The following ATP5F1D variants were observed in gnomAD, a reference collection of about 807,000 sequenced individuals.
The protein encoded by ATP5F1D is ATP synthase F(1) complex subunit delta, mitochondrial.
Under a neutral mutation model 13.0 loss-of-function variants are expected in ATP5F1D, and 16 were observed. That is an observed-to-expected ratio of 1.23 (90% CI 0.83 to 1.87). The LOEUF (loss-of-function observed/expected upper bound fraction) is 1.87, where lower values mean the gene tolerates loss of function less well. ATP5F1D is among the 40% of genes most tolerant of loss of function. The pLI, the probability that ATP5F1D is intolerant of heterozygous loss-of-function variation, is 0.00. For missense variants in ATP5F1D, 294 were observed against 246.2 expected, an observed-to-expected ratio of 1.19 and a Z score of -1.30; for synonymous variants, 129 against 116.2, an observed-to-expected ratio of 1.11 and a Z score of -0.71.
At chr19:1,243,733 G>C in intron 2 of ATP5F1D, among the ~76,000 whole-genome samples, 1 of 152,294 alleles carries the variant, frequency 6.6e-6, no homozygotes, top group South Asian at 2.1e-4. Context: ...AGGAAAAAAA[G>C]CAGTTCTAAG....
chr19:1,243,222 A>G (rs1183668178), intron 2 of ATP5F1D: 1 of 152,328 alleles, frequency 6.6e-6, no homozygotes, highest in Non-Finnish European at 1.5e-5. Context: ...GGTCGAAGCA[A>G]GAGATGTAAA....
chr19:1,244,122 C>T lies in ATP5F1D; in HGVS notation c.321C>T (p.Asn107=), dbSNP rs745845131. The change falls in exon 3 of 4, where the codon AAC becomes AAT. Residue 107 remains asparagine, a synonymous_variant. Coordinates refer to ENST00000215375, the MANE Select transcript of ATP5F1D (RefSeq NM_001687.5). ...YFVSSGSIAV[N]ADSSVQLLAE... Reference sequence around the variant, plus strand: ...TGAGCAGCGGTTCCATCGCAGTGAACGCCGACTCTTCGGTGCAGTTGTTGG... The same window carrying T: ...TGAGCAGCGGTTCCATCGCAGTGAATGCCGACTCTTCGGTGCAGTTGTTGG... 6.2e-6 allele frequency: 10 copies of T among 1,611,682 alleles called. No homozygotes were observed. Among genetic ancestry groups the T allele is most frequent in the African/African-American group, 1.3e-5 (1 of 74,888 alleles).
At chr19:1,243,607 G>T (rs1460431537) in intron 2 of ATP5F1D, among the ~76,000 whole-genome samples, 3 of 152,136 alleles carry the variant, frequency 2.0e-5, no homozygotes, top group African/African-American at 7.2e-5. Flanking sequence ...AGTGAGCCAA[G>T]ATCATGCCAC....
Position 1,244,528 on chromosome 19 carries a change from G to A in ATP5F1D, c.*91G>A, listed in dbSNP as rs2081053913. On this transcript the variant is annotated 3_prime_UTR_variant, in exon 4 of 4. Transcript: ENST00000215375. ...CAGCTCCTGGGGTCCCGGCCACCTG[G>A]GGAAGCCGCGCCTGCCAAGGAGGCC... 3.4e-6 allele frequency: 5 copies of A among 1,489,128 alleles called. No individual in the cohort carries two copies. The highest frequency in any genetic ancestry group is 4.6e-5 in the Admixed American group (2 of 43,876). 92.2% of individuals were successfully genotyped at this position (1,489,128 alleles called of 1,614,324 possible).
chr19:1,243,938 C>T (rs890447907), intron 2 of ATP5F1D, 159 bp from the exon 3 acceptor site: 5 of 716,482 alleles, frequency 7.0e-6, no homozygotes, highest in Non-Finnish European at 9.3e-6. Flanking sequence ...CATGTTGGGC[C>T]CAGGGCCAGT....
At position 1,244,569 on chromosome 19, in the gene ATP5F1D, A is replaced by G; in HGVS notation, c.*132A>G. 1 of 1,369,626 alleles carries G rather than the reference A, an allele frequency of 7.3e-7. No homozygotes were observed. Among genetic ancestry groups the G allele is most frequent in the South Asian group, 1.5e-5 (1 of 67,342 alleles). The allele number at this position is 1,369,626 out of a possible 1,614,324, so 84.8% of individuals were successfully genotyped here. A position where few individuals can be genotyped will look rare whatever the true frequency, so the allele number is the denominator to read the frequency against. ...CAAGGAGGCCACCAGAGGGCAGTGC[A>G]GGCTTCTGCCTGGGCCCCAGGCCCT... On this transcript the variant is annotated 3_prime_UTR_variant, in exon 4 of 4. Transcript: ENST00000215375.
At chr19:1,243,556 T>G (rs2081047944) in intron 2 of ATP5F1D, among the ~76,000 whole-genome samples, 2 of 151,934 alleles carry the variant, frequency 1.3e-5, no homozygotes, top group South Asian at 4.2e-4. Context: ...CTCGGGAGGC[T>G]GAAGCAAGAG....
chr19:1,242,061 C>G, intron 1 of ATP5F1D, 70 bp downstream of exon 1: 1 of 1,295,956 alleles, frequency 7.7e-7, no homozygotes, highest in South Asian at 2.5e-5. Context: ...ACCCCCAGGG[C>G]GCGACCCCCG....
Position 1,241,913 on chromosome 19 carries a change from C to G in ATP5F1D, c.63C>G (p.Ala21=). Residue 21 remains alanine (A), a synonymous_variant, in exon 1 of 4, where the codon GCC becomes GCG. Transcript: ENST00000215375. ...GLGRLVRHAR[A]YAEAAAAPAA... is the part of the protein sequence containing the mutation. ...GCCGCCTCGTCCGCCACGCCCGTGC[C>G]TATGCCGAGGCCGCCGCCGCCCCGG... 6.7e-7 allele frequency: 1 copy of G among 1,493,436 alleles called. No homozygotes were observed. The highest frequency in any genetic ancestry group is 8.9e-7 in the Non-Finnish European group (1 of 1,124,964). 92.5% of individuals were successfully genotyped at this position (1,493,436 alleles called of 1,614,324 possible). A position where few individuals can be genotyped will look rare whatever the true frequency, so the allele number is the denominator to read the frequency against.
chr19:1,242,296 G>C, intron 1 of ATP5F1D, 160 bp from the exon 2 acceptor site: 1 of 937,156 alleles, frequency 1.1e-6, no homozygotes, highest in Middle Eastern at 3.7e-4. Flanking sequence ...CAACTGTTGA[G>C]GACCAAAGCT....
chr19:1,244,819 AGCC>A lies in ATP5F1D; in HGVS notation c.*383_*385del. 1 of 242,194 alleles carries A rather than the reference AGCC, an allele frequency of 4.1e-6. No homozygotes were observed. The highest frequency in any genetic ancestry group is 8.2e-6 in the Non-Finnish European group (1 of 121,494). The allele number at this position is 242,194 out of a possible 1,614,324, so 15.0% of individuals were successfully genotyped here. A position where few individuals can be genotyped will look rare whatever the true frequency, so the allele number is the denominator to read the frequency against. On this transcript the variant is annotated 3_prime_UTR_variant, in exon 4 of 4. Transcript: ENST00000215375. ...GCCCCCGCCCCATTAAAGACCCGGA[AGCC>A]TGACTGTGTGCTCGGCTCTTGTTCC...
At position 1,244,507 on chromosome 19, in the gene ATP5F1D, TC is replaced by T. The variant is rs2081053753; in HGVS notation, c.*72del. The T allele has an allele frequency of 2.1e-5, 32 of 1,511,598 alleles. No individual in the cohort carries two copies. The highest frequency in any genetic ancestry group is 2.4e-4 in the Middle Eastern group (1 of 4,216). 93.6% of individuals were successfully genotyped at this position (1,511,598 alleles called of 1,614,324 possible). A position where few individuals can be genotyped will look rare whatever the true frequency, so the allele number is the denominator to read the frequency against. On this transcript the variant is annotated 3_prime_UTR_variant, in exon 4 of 4. Transcript: ENST00000215375. ...GGGATGCCAGGTGGGCCCAGCCAGCTCCTGGGGTCCCGGCCACCTGGGGAAG... is the reference window on the plus strand; with the variant it reads ...GGGATGCCAGGTGGGCCCAGCCAGCTCTGGGGTCCCGGCCACCTGGGGAAG...
At chr19:1,243,132 T>A (rs1000594236) in intron 2 of ATP5F1D, 5 of 152,628 alleles carry the variant, frequency 3.3e-5, no homozygotes, top group African/African-American at 1.2e-4. Context: ...GAGCCTGGGC[T>A]GGCCGGTGAT....
In ATP5F1D at chr19:1,241,792, C is replaced by T. The variant is rs1465445832; in HGVS notation, c.-59C>T. The T allele has an allele frequency of 7.8e-6, 10 of 1,278,956 alleles. No individual in the cohort carries two copies. The highest frequency in any genetic ancestry group is 3.1e-5 in the African/African-American group (2 of 63,620). The allele number at this position is 1,278,956 out of a possible 1,614,324, so 79.2% of individuals were successfully genotyped here. On this transcript the variant is annotated 5_prime_UTR_variant, in exon 1 of 4. Transcript: ENST00000215375. ...CGTCCTCCTCGCCCTCCAGGCCGCC[C>T]GCGCCGCGCCGGAGTCCGCTGTCCG... is the stretch of plus-strand genomic sequence containing the variant.
Position 1,244,157 on chromosome 19 carries a change from C to T in ATP5F1D, c.356C>T (p.Ala119Val), listed in dbSNP as rs577891198. 2 of 1,612,294 alleles carry T rather than the reference C, an allele frequency of 1.2e-6. No homozygotes were observed. Among genetic ancestry groups the T allele is most frequent in the South Asian group, 1.1e-5 (1 of 90,816 alleles). Residue 119 changes from alanine (A) to valine (V), a missense_variant, in exon 3 of 4, where the codon GCC (alanine) becomes GTC (valine). Transcript: ENST00000215375. ...DSSVQLLAEE[A>V]VTLDMLDLGA... is the part of the protein sequence containing the mutation. ...TCGGTGCAGTTGTTGGCCGAAGAGG[C>T]CGTGACGCTGGACATGTTGGACCTG...
chr19:1,242,726 A>C, intron 2 of ATP5F1D, 117 bp downstream of exon 2: 1 of 1,297,394 alleles, frequency 7.7e-7, no homozygotes, highest in Non-Finnish European at 1.0e-6. Context: ...ACGGTGGCTC[A>C]AGCCTGTAAT....
In ATP5F1D at chr19:1,244,331, T is replaced by G. The variant is rs1379538026; in HGVS notation, c.401T>G (p.Leu134Trp). ...CCCTTGCAGGCAGCCAAGGCAAACT[T>G]GGAGAAGGCCCAGGCGGAGCTGGTG... ...MLDLGAAKAN[L>W]EKAQAELVGT... is the part of the protein sequence containing the mutation. The change falls in exon 4 of 4, where the codon TTG (leucine) becomes TGG (tryptophan). Residue 134 changes from leucine to tryptophan, a missense_variant. Physicochemically the swap from Leu to Trp is moderately conservative, Grantham distance 61. Coordinates refer to ENST00000215375, the MANE Select transcript of ATP5F1D (RefSeq NM_001687.5). 1 of 1,593,616 alleles carries G rather than the reference T, an allele frequency of 6.3e-7. No homozygotes were observed. The highest frequency in any genetic ancestry group is 8.5e-7 in the Non-Finnish European group (1 of 1,170,644).
chr19:1,244,219 T>C (rs1188033377), intron 3 of ATP5F1D, 34 bp downstream of exon 3: 1 of 1,599,972 alleles, frequency 6.3e-7, no homozygotes, highest in Non-Finnish European at 8.5e-7. Flanking sequence ...GCTCAGCAGG[T>C]TGGAGCTGTC....
Position 1,244,687 on chromosome 19 carries a change from C to T in ATP5F1D, c.*250C>T. 1.8e-6 allele frequency: 1 copy of T among 555,078 alleles called. No individual in the cohort carries two copies. Among genetic ancestry groups the T allele is most frequent in the Non-Finnish European group, 3.1e-6 (1 of 323,192 alleles). The allele number at this position is 555,078 out of a possible 1,614,324, so 34.4% of individuals were successfully genotyped here. On this transcript the variant is annotated 3_prime_UTR_variant, in exon 4 of 4. Coordinates refer to ENST00000215375, the MANE Select transcript of ATP5F1D (RefSeq NM_001687.5). The stretch of plus-strand genomic sequence containing the variant: ...CCCATGGGGCTCTCCTTCCGCCTCT[C>T]AAGATCCCCCCAGCCTGACGGGCCG...
Sources: allele counts gnomAD v4.1 joint callset (sites outside exome capture counted in the v4.1 genomes callset), GRCh38; gene constraint gnomAD v4.1.1; transcripts MANE v1.5; gene names NCBI Gene and HGNC (gene_info 2026-07-23, HGNC 2026-07-21).